Variants in RNF217 observed in about 807,000 individuals in gnomAD.
RNF217 encodes ring finger protein 217.
A neutral mutation model predicts 57.8 loss-of-function variants in RNF217; 31 were observed. The ratio of observed to expected loss-of-function variants is 0.54; its 90% CI spans 0.40 to 0.72. RNF217 has a LOEUF of 0.72. Ranked by LOEUF, RNF217 falls within the 30% of genes least tolerant of loss-of-function variation. RNF217 has a pLI of 0.00. For missense variants in RNF217, 696 were observed against 708.3 expected, an observed-to-expected ratio of 0.98 and a Z score of 0.20; for synonymous variants, 313 against 294.0, an observed-to-expected ratio of 1.06 and a Z score of -0.66.
intron 1 of RNF217, among the ~76,000 whole-genome samples, chr6:124,983,174 T>C (rs897540890): frequency 6.6e-6 from 1 of 152,228 alleles, no homozygotes; most frequent in African/African-American, 2.4e-5. Context: ...AAATTTTATG[T>C]AAAATCAATT....
intron 1 of RNF217, chr6:125,009,541 G>A (rs1338673396): frequency 2.7e-6 from 1 of 369,284 alleles, no homozygotes; most frequent in Non-Finnish European, 4.8e-6. Context: ...TTATTATGAT[G>A]ATAGGATGTT....
intron 4 of RNF217, 149 bp downstream of exon 4, chr6:125,077,007 T>C (rs1395061112): frequency 1.4e-6 from 1 of 695,554 alleles, no homozygotes; most frequent in African/African-American, 1.8e-5. Context: ...AGAATAAAAT[T>C]TAAAACTTAA....
chr6:125,047,441 G>T (rs967105898), intron 2 of RNF217, among the ~76,000 whole-genome samples: 2 of 152,030 alleles, frequency 1.3e-5, no homozygotes, highest in African/African-American at 4.8e-5. Context: ...TTGACAAATA[G>T]AAGATTCTAT....
chr6:124,966,293 A>G (rs1783537239), intron 1 of RNF217, among the ~76,000 whole-genome samples: 1 of 152,164 alleles, frequency 6.6e-6, no homozygotes, highest in African/African-American at 2.4e-5. Context: ...TAACCTCTCT[A>G]TGCCTTAATT....
At chr6:125,052,866 T>C (rs959227142) in intron 2 of RNF217, among the ~76,000 whole-genome samples, 2 of 152,120 alleles carry the variant, frequency 1.3e-5, no homozygotes, top group Non-Finnish European at 2.9e-5. Flanking sequence ...TTTTTACATG[T>C]TTCCTATGCA....
chr6:125,031,095 C>T (rs1369649069), intron 1 of RNF217, among the ~76,000 whole-genome samples: 2 of 152,246 alleles, frequency 1.3e-5, no homozygotes, highest in Non-Finnish European at 2.9e-5. Flanking sequence ...ACAGCCCGAG[C>T]TGTATGTTGG....
chr6:125,059,566 G>A (rs898260607), intron 3 of RNF217, among the ~76,000 whole-genome samples: 2 of 152,080 alleles, frequency 1.3e-5, no homozygotes, highest in African/African-American at 4.8e-5. Flanking sequence ...AGTTAGCCTG[G>A]TTCTACAACT....
chr6:124,986,420 G>A (rs1226596720), intron 1 of RNF217, among the ~76,000 whole-genome samples: 1 of 152,152 alleles, frequency 6.6e-6, no homozygotes, highest in Non-Finnish European at 1.5e-5. Flanking sequence ...TGTCCTTTGG[G>A]TTTTTACAAA....
chr6:125,054,982 T>G (rs1168578457), intron 2 of RNF217, among the ~76,000 whole-genome samples: 1 of 152,102 alleles, frequency 6.6e-6, no homozygotes, highest in Non-Finnish European at 1.5e-5. Flanking sequence ...GCATTTCATG[T>G]GGAAGAATAA....
At chr6:125,060,961 C>T (rs761009178) in intron 3 of RNF217, among the ~76,000 whole-genome samples, 1 of 152,108 alleles carries the variant, frequency 6.6e-6, no homozygotes, top group Non-Finnish European at 1.5e-5. Flanking sequence ...ACTATTTTCA[C>T]CTAACATTGC....
chr6:124,996,679 G>A (rs1016768437), intron 1 of RNF217: 4 of 152,140 alleles, frequency 2.6e-5, no homozygotes, highest in Admixed American at 2.6e-4. Context: ...TTAAGACTAA[G>A]TTATGAATAT....
intron 1 of RNF217, among the ~76,000 whole-genome samples, chr6:125,030,319 G>A (rs192435122): frequency 7.8e-4 from 118 of 152,154 alleles, no homozygotes; most frequent in African/African-American, 2.8e-3. Context: ...TTCAAAAACA[G>A]TCATGCCTTC....
At chr6:124,973,475 T>G (rs2114995102) in intron 1 of RNF217, among the ~76,000 whole-genome samples, 1 of 152,336 alleles carries the variant, frequency 6.6e-6, no homozygotes, top group Middle Eastern at 3.4e-3. Flanking sequence ...TTGAGCTACT[T>G]TCATAACTAG....
At chr6:125,033,898 G>A (rs1366048053) in intron 1 of RNF217, among the ~76,000 whole-genome samples, 4 of 152,202 alleles carry the variant, frequency 2.6e-5, no homozygotes, top group African/African-American at 9.6e-5. Flanking sequence ...TAAGTGGTGT[G>A]AGATGGTATC....
At chr6:124,973,364 G>C (rs1238856735) in intron 1 of RNF217, among the ~76,000 whole-genome samples, 2 of 152,064 alleles carry the variant, frequency 1.3e-5, no homozygotes. Context: ...AAGGTTCTTA[G>C]AGTCCTTTTC....
At chr6:125,074,388 T>G (rs9491303) in intron 3 of RNF217, among the ~76,000 whole-genome samples, 5,498 of 152,122 alleles carry the variant, frequency 0.036, 309 homozygotes, top group African/African-American at 0.12. Flanking sequence ...GTGTTATCTT[T>G]TAAGTGACAT....
chr6:125,002,038 CT>C (rs954410491), intron 1 of RNF217, among the ~76,000 whole-genome samples: 3 of 152,118 alleles, frequency 2.0e-5, no homozygotes, highest in African/African-American at 7.2e-5. Flanking sequence ...AGTTACAGAT[CT>C]TTTTATGAGC....
At chr6:125,058,312 A>G (rs1373853611) in intron 3 of RNF217, among the ~76,000 whole-genome samples, 2 of 152,170 alleles carry the variant, frequency 1.3e-5, no homozygotes, top group Non-Finnish European at 2.9e-5. Context: ...TTACTCTTCA[A>G]AATTTAAGGA....
intron 1 of RNF217, among the ~76,000 whole-genome samples, chr6:125,007,091 A>ATC (rs1367673429): frequency 1.3e-5 from 2 of 152,204 alleles, no homozygotes; most frequent in African/African-American, 4.8e-5. Flanking sequence ...CAGTTCACAA[A>ATC]TTTTGTCTTC....
Sources: allele counts gnomAD v4.1 joint callset (sites outside exome capture counted in the v4.1 genomes callset), GRCh38; gene constraint gnomAD v4.1.1; transcripts MANE v1.5; gene names NCBI Gene and HGNC (gene_info 2026-07-23, HGNC 2026-07-21).